APC: variants seen among roughly 807,000 people sequenced by gnomAD.
APC encodes the protein adenomatous polyposis coli protein.
APC carries 72 observed loss-of-function variants against 247.0 expected under a neutral mutation model. That is an observed-to-expected ratio of 0.29 (90% CI 0.24 to 0.35). APC has a LOEUF of 0.35. Among genes scored for constraint, APC ranks in the 10% least tolerant of loss-of-function variants. The pLI is 1.00. For synonymous variants in APC, 1,254 were observed against 1,162.5 expected (o/e 1.08, Z -1.60); for missense variants, 3,400 against 3,360.7 (o/e 1.01, Z -0.29).
chr5:112,743,309 C>T (rs1753256454), intron 1 of APC, among the ~76,000 whole-genome samples: 2 of 152,184 alleles, frequency 1.3e-5, no homozygotes, highest in South Asian at 4.1e-4. Flanking sequence ...TTAACTTAAT[C>T]ACATCTGCAA....
intron 1 of APC, among the ~76,000 whole-genome samples, chr5:112,732,500 G>T (rs1752148212): frequency 1.3e-5 from 2 of 152,166 alleles, no homozygotes; most frequent in Non-Finnish European, 2.9e-5. Context: ...CTCAGTAGAA[G>T]GTTATATTTT....
At chr5:112,752,873 A>G (rs1415569609) in intron 1 of APC, among the ~76,000 whole-genome samples, 2 of 152,152 alleles carry the variant, frequency 1.3e-5, no homozygotes, top group African/African-American at 4.8e-5. Flanking sequence ...AGGGAAAAAA[A>G]GATGATTAAA....
chr5:112,721,971 C>T (rs1309549662), intron 1 of APC, among the ~76,000 whole-genome samples: 2 of 152,122 alleles, frequency 1.3e-5, no homozygotes, highest in African/African-American at 2.4e-5. Context: ...GGCCATGCAG[C>T]CCTGGGGACA....
Position 112,775,625 on chromosome 5 carries a change from A to T in APC, c.423-4A>T, listed in dbSNP as rs1561477594. 2 of 1,571,982 alleles carry T rather than the reference A, an allele frequency of 1.3e-6. No homozygotes were observed. Among genetic ancestry groups the T allele is most frequent in the Non-Finnish European group, 1.7e-6 (2 of 1,148,504 alleles). The stretch of plus-strand genomic sequence containing the variant: ...CGTACCTTTTTTTAAAAAAAAAAAA[A>T]TAGGTCATTGCTTCTTGCTGATCTT... On this transcript the variant is annotated splice_region_variant and splice_polypyrimidine_tract_variant and intron_variant, in intron 4 of 15. Coordinates refer to ENST00000257430, the MANE Select transcript of APC (RefSeq NM_000038.6).
chr5:112,760,227 G>A (rs1012099741), intron 2 of APC, among the ~76,000 whole-genome samples: 4 of 152,114 alleles, frequency 2.6e-5, no homozygotes, highest in African/African-American at 9.7e-5. Flanking sequence ...TGAAATCGTT[G>A]GCAGCCTTGA....
At chr5:112,710,525 G>A (rs1247882288) in intron 1 of APC, among the ~76,000 whole-genome samples, 1 of 151,860 alleles carries the variant, frequency 6.6e-6, no homozygotes, top group Non-Finnish European at 1.5e-5. Flanking sequence ...TTCACTTCCT[G>A]TCCACCTTCT....
chr5:112,761,398 TGAAC>T (rs1755654007), intron 2 of APC, among the ~76,000 whole-genome samples: 1 of 150,444 alleles, frequency 6.6e-6, no homozygotes, highest in South Asian at 2.1e-4. Flanking sequence ...AAAAGAAAAA[TGAAC>T]AGATAGAAAA....
chr5:112,725,127 A>G (rs1751700160), intron 1 of APC, among the ~76,000 whole-genome samples: 1 of 151,866 alleles, frequency 6.6e-6, no homozygotes, highest in African/African-American at 2.4e-5. Flanking sequence ...GACACGTGCC[A>G]CCACACCCAG....
Position 112,792,397 on chromosome 5 carries a change from A to C in APC, c.646-49A>C, listed in dbSNP as rs1271884303. ...TAGCCATAGTATGATTATTTCTATTAATATTATTAATAAAAACATAACTAA... is the reference window on the plus strand; with the variant it reads ...TAGCCATAGTATGATTATTTCTATTCATATTATTAATAAAAACATAACTAA... On this transcript the variant is annotated intron_variant, in intron 6 of 15. Coordinates refer to ENST00000257430, the MANE Select transcript of APC (RefSeq NM_000038.6). The C allele has an allele frequency of 5.7e-6, 7 of 1,238,124 alleles. No individual in the cohort carries two copies. The East Asian group carries it at 7.8e-5, about 14-fold the overall frequency. The allele number at this position is 1,238,124 out of a possible 1,614,324, so 76.7% of individuals were successfully genotyped here. A position where few individuals can be genotyped will look rare whatever the true frequency, so the allele number is the denominator to read the frequency against.
At chr5:112,782,605 C>T (rs1758469214) in intron 6 of APC, among the ~76,000 whole-genome samples, 1 of 152,242 alleles carries the variant, frequency 6.6e-6, no homozygotes, top group Admixed American at 6.5e-5. Context: ...TTTTTTCTTA[C>T]CTTCCCTCTT....
intron 1 of APC, chr5:112,738,244 A>G (rs527821603): frequency 1.0e-6 from 1 of 977,082 alleles, no homozygotes; most frequent in Non-Finnish European, 1.2e-6. Flanking sequence ...AGAGTGGAAT[A>G]ACAGTATCTA....
At chr5:112,779,016 T>C (rs891808311) in intron 5 of APC, among the ~76,000 whole-genome samples, 3 of 152,192 alleles carry the variant, frequency 2.0e-5, no homozygotes, top group Non-Finnish European at 4.4e-5. Context: ...TGAGTGGACG[T>C]TGGCTGACAG....
intron 7 of APC, among the ~76,000 whole-genome samples, chr5:112,795,519 G>T (rs1453459141): frequency 1.3e-5 from 2 of 152,074 alleles, no homozygotes; most frequent in East Asian, 1.9e-4. Flanking sequence ...TTATCACATG[G>T]TGACAGCCAC....
intron 13 of APC, 146 bp from the exon 14 acceptor site, chr5:112,828,710 A>G (rs2149816202): frequency 1.6e-6 from 1 of 613,464 alleles, no homozygotes; most frequent in Non-Finnish European, 3.0e-6. Context: ...CAGCCTCCCA[A>G]AGTGATAGGA....
chr5:112,728,769 AT>A (rs1751939959), intron 1 of APC, among the ~76,000 whole-genome samples: 1 of 152,102 alleles, frequency 6.6e-6, no homozygotes, highest in African/African-American at 2.4e-5. Context: ...TCAGCTATAA[AT>A]TAGTAACAGT....
At chr5:112,759,284 A>G (rs942150067) in intron 2 of APC, among the ~76,000 whole-genome samples, 3 of 152,070 alleles carry the variant, frequency 2.0e-5, no homozygotes, top group East Asian at 3.8e-4. Flanking sequence ...AAAGTTGCTC[A>G]TAGATAAATA....
Position 112,839,733 on chromosome 5 carries a change from C to G in APC, c.4139C>G (p.Thr1380Ser), listed in dbSNP as rs876660713. The change falls in exon 16 of 16, where the codon ACC becomes AGC. Residue 1380 changes from threonine to serine, a missense_variant. Thr to Ser is a moderately conservative substitution (Grantham distance 58). This residue lies in a region of APC where 40 missense variants were observed against 75.6 expected (regional missense o/e 0.53). Coordinates refer to ENST00000257430, the MANE Select transcript of APC (RefSeq NM_000038.6). This position sits in a 1 kb window ranked among gnomAD's most constrained non-coding sequence, Gnocchi z 5.0. ...KSPPEHYVQE[T>S]PLMFSRCTSV... ...CCACCTGAACACTATGTTCAGGAGACCCCACTCATGTTTAGCAGATGTACT... is the reference window on the plus strand; with the variant it reads ...CCACCTGAACACTATGTTCAGGAGAGCCCACTCATGTTTAGCAGATGTACT... 2 of 1,614,002 alleles carry G rather than the reference C, an allele frequency of 1.2e-6. No individual in the cohort carries two copies. Among genetic ancestry groups the G allele is most frequent in the Admixed American group, 1.7e-5 (1 of 59,996 alleles).
Position 112,774,980 on chromosome 5 carries a change from T to G in APC, c.423-649T>G, listed in dbSNP as rs577016592. Among the ~76,000 whole-genome samples, 58 of 152,304 alleles carry G rather than the reference T, an allele frequency of 3.8e-4. 1 individual carries two copies. Among genetic ancestry groups the G allele is most frequent in the African/African-American group, 1.3e-3 (56 of 41,562 alleles). On this transcript the variant is annotated intron_variant, in intron 4 of 15. Transcript: ENST00000257430. ...CGTGAAAAGAGATAAATTATATACT[T>G]TTTGTACCTCTTGAGTTTTATCCCT...
At chr5:112,826,037 G>T (rs1324771677) in intron 11 of APC, among the ~76,000 whole-genome samples, 2 of 152,132 alleles carry the variant, frequency 1.3e-5, no homozygotes, top group Admixed American at 6.5e-5. Context: ...ATAAAGTTTT[G>T]CATAAATCTT....
Sources: allele counts gnomAD v4.1 joint callset (sites outside exome capture counted in the v4.1 genomes callset), GRCh38; gene constraint gnomAD v4.1.1; regional missense constraint gnomAD v4.1.1; non-coding constraint Gnocchi (gnomAD v3.1); transcripts MANE v1.5; gene names NCBI Gene and HGNC (gene_info 2026-07-23, HGNC 2026-07-21).